NRG3: variants seen among roughly 807,000 people sequenced by gnomAD.
NRG3 encodes neuregulin 3.
NRG3 carries 31 observed loss-of-function variants against 66.9 expected under a neutral mutation model. The observed-to-expected ratio is 0.46, with a 90% CI of 0.35 to 0.63. The LOEUF (loss-of-function observed/expected upper bound fraction) is 0.63. NRG3 is among the 20% of genes least tolerant of loss of function. NRG3 has a pLI of 0.00. For missense variants in NRG3, 910 were observed against 878.9 expected (o/e 1.04, Z -0.45); for synonymous variants, 393 against 359.4 (o/e 1.09, Z -1.06).
intron 4 of NRG3, among the ~76,000 whole-genome samples, chr10:82,919,089 GTGTGTGTGTGTA>G (rs1397803888): frequency 0.011 from 1,675 of 149,958 alleles, 21 homozygotes; most frequent in African/African-American, 0.037. Flanking sequence ...GTGTGTGTGT[GTGTGTGTGTGTA>G]TGTGTGTGTG....
intron 1 of NRG3, among the ~76,000 whole-genome samples, chr10:82,097,440 T>C (rs2066424628): frequency 6.9e-6 from 1 of 145,736 alleles, no homozygotes; most frequent in Non-Finnish European, 1.5e-5. Context: ...TATATATATA[T>C]ATCTGTAATA....
chr10:82,657,481 G>A (rs1451886573), intron 2 of NRG3, among the ~76,000 whole-genome samples: 1 of 152,014 alleles, frequency 6.6e-6, no homozygotes, highest in African/African-American at 2.4e-5. Context: ...TATCTTGAAG[G>A]GATAAGTTTA....
intron 3 of NRG3, among the ~76,000 whole-genome samples, chr10:82,842,038 G>A (rs1353030352): frequency 6.6e-6 from 1 of 152,050 alleles, no homozygotes; most frequent in Non-Finnish European, 1.5e-5. Flanking sequence ...ATCACTTGAG[G>A]TCAGGAGTTT....
intron 1 of NRG3, among the ~76,000 whole-genome samples, chr10:81,920,781 T>C (rs997167206): frequency 6.6e-6 from 1 of 152,180 alleles, no homozygotes; most frequent in African/African-American, 2.4e-5. Context: ...CTTATTCACT[T>C]AATGTTTTGT....
intron 2 of NRG3, among the ~76,000 whole-genome samples, chr10:82,661,597 G>A (rs896930993): frequency 6.6e-6 from 1 of 152,192 alleles, no homozygotes; most frequent in African/African-American, 2.4e-5. Context: ...GTGTGTGTGT[G>A]TGTGTTTGTG....
At position 82,973,832 on chromosome 10, in the gene NRG3, G is replaced by A; in HGVS notation, c.1329G>A (p.Met443Ile). Reference protein sequence around the residue: ...ERHPVTALEKMMESSFVGPQS... With the variant: ...ERHPVTALEKIMESSFVGPQS... ...ATCCTGTGACTGCATTGGAGAAAAT[G>A]ATGGAGTCAAGTTTTGTCGGCCCCC... is the stretch of plus-strand genomic sequence containing the variant. The change falls in exon 7 of 9, where the codon ATG (methionine) becomes ATA (isoleucine). Residue 443 changes from methionine to isoleucine, a missense_variant. Coordinates refer to ENST00000372141, the MANE Select transcript of NRG3 (RefSeq NM_001010848.4). The A allele has an allele frequency of 6.2e-7, 1 of 1,613,966 alleles. No homozygotes were observed. Among genetic ancestry groups the A allele is most frequent in the African/African-American group, 1.3e-5 (1 of 75,024 alleles).
chr10:82,055,601 A>G (rs2063808384), intron 1 of NRG3, among the ~76,000 whole-genome samples: 1 of 152,074 alleles, frequency 6.6e-6, no homozygotes, highest in African/African-American at 2.4e-5. Flanking sequence ...TAATTTTTTT[A>G]TCTAATTGTT....
intron 3 of NRG3, among the ~76,000 whole-genome samples, chr10:82,858,443 G>A (rs1013970592): frequency 6.6e-5 from 10 of 152,084 alleles, no homozygotes; most frequent in Admixed American, 6.5e-4. Context: ...AGAACACACG[G>A]ACCCACTGTT....
intron 1 of NRG3, among the ~76,000 whole-genome samples, chr10:81,940,683 G>C (rs1848334206): frequency 6.6e-6 from 1 of 152,064 alleles, no homozygotes; most frequent in African/African-American, 2.4e-5. Context: ...AATCTCATTA[G>C]CTCTCTTTGG....
intron 2 of NRG3, among the ~76,000 whole-genome samples, chr10:82,600,083 G>A (rs1412898528): frequency 6.6e-6 from 1 of 152,024 alleles, no homozygotes. Flanking sequence ...TGATTGTTAA[G>A]CATCTAGTAT....
chr10:82,463,020 A>G (rs1040512137), intron 2 of NRG3, among the ~76,000 whole-genome samples: 1 of 152,136 alleles, frequency 6.6e-6, no homozygotes, highest in African/African-American at 2.4e-5. Context: ...CCTACTAGAA[A>G]GTCATATTGG....
At chr10:82,123,968 C>T (rs1398354664) in intron 1 of NRG3, among the ~76,000 whole-genome samples, 1 of 151,880 alleles carries the variant, frequency 6.6e-6, no homozygotes. Flanking sequence ...TATTCTCACC[C>T]CCTTCAATGA....
intron 1 of NRG3, among the ~76,000 whole-genome samples, chr10:82,286,204 G>T (rs536259711): frequency 6.6e-6 from 1 of 152,300 alleles, no homozygotes; most frequent in Non-Finnish European, 1.5e-5. Context: ...GTTTCAAAAT[G>T]ATTTGGCAAA....
intron 1 of NRG3, among the ~76,000 whole-genome samples, chr10:82,319,541 T>C (rs1266048149): frequency 6.6e-6 from 1 of 152,232 alleles, no homozygotes; most frequent in African/African-American, 2.4e-5. Context: ...TCCCTTGTTC[T>C]TTGAATGCCT....
chr10:82,565,983 C>T (rs2045379729), intron 2 of NRG3, among the ~76,000 whole-genome samples: 1 of 151,942 alleles, frequency 6.6e-6, no homozygotes, highest in Admixed American at 6.6e-5. Context: ...TCTTATTCGC[C>T]ATAGAGATGA....
intron 1 of NRG3, among the ~76,000 whole-genome samples, chr10:82,050,210 C>G (rs964051496): frequency 6.6e-6 from 1 of 152,134 alleles, no homozygotes; most frequent in South Asian, 2.1e-4. Flanking sequence ...TCAACCTCAT[C>G]CTTCATTTTT....
At chr10:81,909,555 A>G (rs1476084834) in intron 1 of NRG3, among the ~76,000 whole-genome samples, 1 of 152,180 alleles carries the variant, frequency 6.6e-6, no homozygotes, top group East Asian at 1.9e-4. Flanking sequence ...CTTATTGTAC[A>G]TTGATCCAAA....
intron 2 of NRG3, among the ~76,000 whole-genome samples, chr10:82,712,505 A>G (rs571499516): frequency 3.9e-5 from 6 of 152,330 alleles, no homozygotes; most frequent in Admixed American, 2.0e-4. Context: ...TCCATGGCCA[A>G]CGCTTCCGAA....
At chr10:82,557,652 A>AT (rs932848088) in intron 2 of NRG3, among the ~76,000 whole-genome samples, 3 of 151,598 alleles carry the variant, frequency 2.0e-5, no homozygotes, top group South Asian at 2.1e-4. Context: ...TTGATTTAGC[A>AT]TTTTTTTTCT....
Sources: gnomAD v4.1 joint callset for allele counts (sites outside exome capture counted in the v4.1 genomes callset) on GRCh38, gnomAD v4.1.1 for gene constraint, MANE v1.5 for transcripts, NCBI Gene and HGNC (gene_info 2026-07-23, HGNC 2026-07-21) for gene names.